COL6A3: variants seen among roughly 807,000 people sequenced by gnomAD.
COL6A3 encodes collagen type VI alpha 3 chain.
A neutral mutation model predicts 274.1 loss-of-function variants in COL6A3; 137 were observed. That is an observed-to-expected ratio of 0.50 (90% confidence interval 0.44 to 0.58). COL6A3 has a LOEUF of 0.58. Ranked by LOEUF, COL6A3 falls within the 20% of genes least tolerant of loss-of-function variation. COL6A3 has a pLI of 0.00. For synonymous variants in COL6A3, 1,650 were observed against 1,650.6 expected, an observed-to-expected ratio of 1.00 and a Z score of 0.01; for missense variants, 3,950 against 4,124.9, an observed-to-expected ratio of 0.96 and a Z score of 1.16.
At position 237,378,963 on chromosome 2, in the gene COL6A3, T is replaced by C; in HGVS notation, c.2170A>G (p.Ser724Gly). ...GSGLNTGSAL[S>G]YVYANHFTEA... ...GTGAAGTGGTTGGCATAGACATAGC[T>C]TAGGGCTGAGCCTGTGTTCAGGCCC... The change falls in exon 6 of 44, where the codon AGC (serine) becomes GGC (glycine). Residue 724 changes from serine to glycine, a missense_variant. By Grantham distance (56) the Ser-to-Gly change is moderately conservative (BLOSUM62 0). This residue lies in a region of COL6A3 where 1,934 missense variants were observed against 1,984.3 expected (regional missense o/e 0.97). Transcript: ENST00000295550. 2 of 1,614,202 alleles carry C rather than the reference T, an allele frequency of 1.2e-6. No individual in the cohort carries two copies. The highest frequency in any genetic ancestry group is 1.7e-5 in the Admixed American group (1 of 60,024).
At chr2:237,335,436 T>G (rs1465559457) in intron 40 of COL6A3, among the ~76,000 whole-genome samples, 1 of 152,260 alleles carries the variant, frequency 6.6e-6, no homozygotes, top group Non-Finnish European at 1.5e-5. Context: ...ATCTACCTTT[T>G]GTATCTAATT....
chr2:237,372,663 C>A (rs559139993), intron 8 of COL6A3, among the ~76,000 whole-genome samples: 1 of 152,322 alleles, frequency 6.6e-6, no homozygotes, highest in East Asian at 1.9e-4. Flanking sequence ...TCGCCAGAGA[C>A]AGGGACCTTG....
chr2:237,345,137 AG>A, intron 33 of COL6A3, 43 bp from the exon 34 acceptor site: 1 of 1,614,158 alleles, frequency 6.2e-7, no homozygotes. Flanking sequence ...AGCAAATCAA[AG>A]GCTCATGAGG....
rs2106366549 is a variant in COL6A3 at position 237,378,676 on chromosome 2, A to G, written c.2457T>C (p.Tyr819=). The G allele has an allele frequency of 6.2e-7, 1 of 1,613,398 alleles. No homozygotes were observed. Among genetic ancestry groups the G allele is most frequent in the Non-Finnish European group, 8.5e-7 (1 of 1,180,034 alleles). The part of the protein sequence containing the change: ...PQQLIQPLTT[Y]VSGGVEEVPL... ...GTACTTCCTCCACACCTCCACTAAC[A>G]TATGTGGTTAGGGGCTGAATCAGCT... Residue 819 remains tyrosine (Y), a synonymous_variant, in exon 6 of 44, where the codon TAT becomes TAC. Coordinates refer to ENST00000295550, the MANE Select transcript of COL6A3 (RefSeq NM_004369.4).
At chr2:237,358,929 G>A in intron 20 of COL6A3, 106 bp downstream of exon 20, 1 of 1,275,538 alleles carries the variant, frequency 7.8e-7, no homozygotes, top group Non-Finnish European at 1.1e-6. Context: ...AGGGAAGGCT[G>A]CCTGGAGGAA....
At chr2:237,337,513 C>G (rs1700609456) in intron 39 of COL6A3, among the ~76,000 whole-genome samples, 1 of 152,192 alleles carries the variant, frequency 6.6e-6, no homozygotes, top group Non-Finnish European at 1.5e-5. Context: ...ACAGAAGGGT[C>G]TGCAGTAGGA....
intron 28 of COL6A3, 122 bp from the exon 29 acceptor site, chr2:237,348,785 A>AG (rs1303359613): frequency 2.6e-5 from 21 of 822,432 alleles, no homozygotes; most frequent in East Asian, 2.1e-4. Flanking sequence ...TTGCAGACTA[A>AG]GGTACAGGAG....
In COL6A3 at chr2:237,381,492, T is replaced by C. The variant is rs765302068; in HGVS notation, c.1320A>G (p.Glu440=). 1 of 1,601,838 alleles carries C rather than the reference T, an allele frequency of 6.2e-7. No individual in the cohort carries two copies. Among genetic ancestry groups the C allele is most frequent in the Non-Finnish European group, 8.5e-7 (1 of 1,179,554 alleles). ...GGAAGACTATGTCTCTCTTGTTGAC[T>C]TCAATGACTGTAGGTGGCAACATTA... ...KPPTIVTQVI[E]VNKRDIVFLV... is the part of the protein sequence containing the mutation. Residue 440 remains glutamate (E), a synonymous_variant, in exon 5 of 44, where the codon GAA becomes GAG. Transcript: ENST00000295550.
At chr2:237,353,500 G>A in intron 24 of COL6A3, 97 bp from the exon 25 acceptor site, 1 of 1,092,258 alleles carries the variant, frequency 9.2e-7, no homozygotes, top group Admixed American at 1.8e-5. Context: ...GACTTGGAAA[G>A]CAACCAGGGA....
rs1255720897 is a variant in COL6A3 at position 237,340,676 on chromosome 2, A to G, written c.8240T>C (p.Val2747Ala). The G allele has an allele frequency of 6.2e-7, 1 of 1,614,084 alleles. No homozygotes were observed. Among genetic ancestry groups the G allele is most frequent in the Non-Finnish European group, 8.5e-7 (1 of 1,180,018 alleles). ...KIVVLMLTGE[V>A]PEQQLEEAQR... ...GGCCTCCTCCAGCTGCTGCTCCGGC[A>G]CCTCGCCCGTCAGCATCAGGACCAC... Residue 2747 changes from valine (V) to alanine (A), a missense_variant, in exon 38 of 44, where the codon GTG (valine) becomes GCG (alanine). Val to Ala is a moderately conservative substitution (Grantham distance 64). Around this residue, in one of 5 missense-constraint regions of COL6A3, gnomAD observed 1,284 missense variants for 1,349.7 expected, o/e 0.95. Transcript: ENST00000295550.
chr2:237,353,020 A>G (rs2077239991), intron 25 of COL6A3, among the ~76,000 whole-genome samples: 1 of 152,222 alleles, frequency 6.6e-6, no homozygotes, highest in Admixed American at 6.5e-5. Context: ...CAAGCCACAC[A>G]CACAAAGCTG....
chr2:237,361,306 T>TC lies in COL6A3; in HGVS notation c.6157-133dup, dbSNP rs1179891908. On this transcript the variant is annotated intron_variant, in intron 15 of 43. Transcript: ENST00000295550. The surrounding 1 kb of genome is among the most constrained non-coding windows in gnomAD (Gnocchi z 5.1). Reference sequence around the variant, plus strand: ...GCATGGCTTTCCCTGTTACTGCTTTTCCCCTCAGTACACCATGTCACGATT... The same window carrying TC: ...GCATGGCTTTCCCTGTTACTGCTTTTCCCCCTCAGTACACCATGTCACGATT... 2 of 786,818 alleles carry TC rather than the reference T, an allele frequency of 2.5e-6. No homozygotes were observed. Among genetic ancestry groups the TC allele is most frequent in the African/African-American group, 3.4e-5 (2 of 58,416 alleles). 48.7% of individuals were successfully genotyped at this position (786,818 alleles called of 1,614,324 possible). A position where few individuals can be genotyped will look rare whatever the true frequency, so the allele number is the denominator to read the frequency against.
chr2:237,404,519 T>G (rs889434718), intron 1 of COL6A3, among the ~76,000 whole-genome samples: 14 of 152,196 alleles, frequency 9.2e-5, no homozygotes, highest in African/African-American at 3.4e-4. Flanking sequence ...TTGTAAAGCA[T>G]TCGGCTTTGT....
At chr2:237,332,121 A>G (rs1423158421) in intron 42 of COL6A3, among the ~76,000 whole-genome samples, 2 of 103,142 alleles carry the variant, frequency 1.9e-5, no homozygotes, top group African/African-American at 7.2e-5. Context: ...ATATATATGA[A>G]AAGAAAAACA....
intron 39 of COL6A3, among the ~76,000 whole-genome samples, chr2:237,337,542 C>T (rs540129671): frequency 6.6e-6 from 1 of 152,154 alleles, no homozygotes; most frequent in East Asian, 1.9e-4. Flanking sequence ...GCTCTCTTTC[C>T]CCATCTTGAG....
intron 3 of COL6A3, among the ~76,000 whole-genome samples, chr2:237,388,518 G>A (rs1313965230): frequency 1.3e-5 from 2 of 152,198 alleles, no homozygotes; most frequent in Non-Finnish European, 2.9e-5. Flanking sequence ...TAAATTTGGA[G>A]GGAAAAGTAG....
chr2:237,353,048 T>C (rs1204126648), intron 25 of COL6A3, among the ~76,000 whole-genome samples: 2 of 152,156 alleles, frequency 1.3e-5, no homozygotes, highest in Non-Finnish European at 2.9e-5. Context: ...AATGATTCCA[T>C]TTATACAAAA....
Position 237,354,913 on chromosome 2 carries a change from G to T in COL6A3, c.6613C>A (p.Pro2205Thr), listed in dbSNP as rs748768672. The change falls in exon 24 of 44, where the codon CCC becomes ACC. Residue 2205 changes from proline to threonine, a missense_variant. Pro to Thr is a conservative substitution (Grantham distance 38, BLOSUM62 -1). This residue lies in a region of COL6A3 where 1,284 missense variants were observed against 1,349.7 expected (regional missense o/e 0.95). Coordinates refer to ENST00000295550, the MANE Select transcript of COL6A3 (RefSeq NM_004369.4). ...GKNGGFGRRG[P>T]PGAKGNKGGP... ...ATGAGGCTCACCTTAGCTCCGGGGG[G>T]TCCCCTTCGGCCAAAGCCACCCTGT... The T allele has an allele frequency of 4.2e-5, 67 of 1,613,686 alleles. 1 individual carries two copies. In the South Asian group the frequency reaches 6.9e-4, roughly 17 times the overall value.
At chr2:237,354,476 C>CTAAG (rs1211199964) in intron 24 of COL6A3, among the ~76,000 whole-genome samples, 5 of 152,162 alleles carry the variant, frequency 3.3e-5, no homozygotes, top group Non-Finnish European at 7.3e-5. Flanking sequence ...CTAAGCCTAA[C>CTAAG]TAAGGCATAG....
Sources: allele counts gnomAD v4.1 joint callset (sites outside exome capture counted in the v4.1 genomes callset), GRCh38; gene constraint gnomAD v4.1.1; regional missense constraint gnomAD v4.1.1; non-coding constraint Gnocchi (gnomAD v3.1); transcripts MANE v1.5; gene names NCBI Gene and HGNC (gene_info 2026-07-23, HGNC 2026-07-21).